PTPRR: variants seen among roughly 807,000 people sequenced by gnomAD.
The protein encoded by PTPRR is receptor-type tyrosine-protein phosphatase R.
A neutral mutation model predicts 77.2 loss-of-function variants in PTPRR; 38 were observed. The ratio of observed to expected loss-of-function variants is 0.49; its 90% CI spans 0.38 to 0.65. The LOEUF (loss-of-function observed/expected upper bound fraction) is 0.65. PTPRR is among the 30% of genes least tolerant of loss of function. PTPRR has a pLI of 0.00. For synonymous variants in PTPRR, 299 were observed against 283.1 expected, an observed-to-expected ratio of 1.06 and a Z score of -0.57; for missense variants, 744 against 799.2, an observed-to-expected ratio of 0.93 and a Z score of 0.83.
At chr12:70,645,038 T>C (rs1886145750) in intron 13 of PTPRR, among the ~76,000 whole-genome samples, 1 of 152,128 alleles carries the variant, frequency 6.6e-6, no homozygotes, top group Non-Finnish European at 1.5e-5. Flanking sequence ...AATCAGAGCA[T>C]ATCAATGTCT....
intron 2 of PTPRR, among the ~76,000 whole-genome samples, chr12:70,842,884 C>G (rs187660791): frequency 6.6e-6 from 1 of 152,298 alleles, no homozygotes; most frequent in Admixed American, 6.5e-5. Context: ...TGCTTGAAAT[C>G]TAGTTCTTCT....
chr12:70,736,908 A>G (rs977446327), intron 6 of PTPRR, among the ~76,000 whole-genome samples: 4 of 152,176 alleles, frequency 2.6e-5, no homozygotes, highest in Non-Finnish European at 5.9e-5. Flanking sequence ...GTGTAAACTT[A>G]GCTCTGCTGC....
At chr12:70,888,805 C>A (rs1014864960) in intron 2 of PTPRR, among the ~76,000 whole-genome samples, 1 of 152,044 alleles carries the variant, frequency 6.6e-6, no homozygotes, top group Non-Finnish European at 1.5e-5. Context: ...CACAGCTCAA[C>A]ACAGACCTAT....
At chr12:70,771,773 T>C (rs983097823) in intron 2 of PTPRR, among the ~76,000 whole-genome samples, 8 of 152,162 alleles carry the variant, frequency 5.3e-5, no homozygotes, top group African/African-American at 1.9e-4. Flanking sequence ...AGAAAGATGC[T>C]GTGTAAGTTC....
At chr12:70,850,747 C>T (rs533530491) in intron 2 of PTPRR, among the ~76,000 whole-genome samples, 9 of 152,260 alleles carry the variant, frequency 5.9e-5, no homozygotes, top group African/African-American at 1.9e-4. Flanking sequence ...CTTTCACTCT[C>T]GCATTTTACT....
chr12:70,782,742 C>T lies in PTPRR; in HGVS notation c.358-17964G>A, dbSNP rs965984652. On this transcript the variant is annotated intron_variant, in intron 2 of 13. Transcript: ENST00000283228. ...TAGGAGACACACCTAATGTAAATGA[C>T]GAGTTAATAGGTGCAGCACACCAAC... Among the ~76,000 whole-genome samples the T allele has an allele frequency of 4.0e-5, 6 of 151,896 alleles. No homozygotes were observed. In the South Asian group the frequency reaches 6.3e-4, roughly 16 times the overall value.
chr12:70,702,721 A>G (rs2063613), intron 6 of PTPRR, among the ~76,000 whole-genome samples: 9,592 of 152,234 alleles, frequency 0.063, 434 homozygotes, highest in African/African-American at 0.12. Flanking sequence ...ATGGTTTGTA[A>G]TTGAGATTTT....
intron 2 of PTPRR, among the ~76,000 whole-genome samples, chr12:70,785,230 C>T (rs1481310023): frequency 6.6e-6 from 1 of 152,030 alleles, no homozygotes; most frequent in Admixed American, 6.6e-5. Context: ...TTACCACTAC[C>T]AATTAAATAT....
chr12:70,825,103 T>C (rs1592778879), intron 2 of PTPRR, among the ~76,000 whole-genome samples: 1 of 151,648 alleles, frequency 6.6e-6, no homozygotes, highest in Non-Finnish European at 1.5e-5. Flanking sequence ...GCCAATATGG[T>C]GAAACCCTGT....
intron 2 of PTPRR, among the ~76,000 whole-genome samples, chr12:70,798,996 G>T (rs1227570090): frequency 6.6e-6 from 1 of 152,030 alleles, no homozygotes; most frequent in Non-Finnish European, 1.5e-5. Flanking sequence ...AAAGTGTAAA[G>T]AAATAGTAAA....
chr12:70,917,421 G>T (rs1893791236), intron 1 of PTPRR, among the ~76,000 whole-genome samples: 1 of 152,068 alleles, frequency 6.6e-6, no homozygotes, highest in Non-Finnish European at 1.5e-5. Context: ...TAATACTCTA[G>T]ATCTTCATTT....
chr12:70,679,417 T>G (rs953581718), intron 10 of PTPRR, among the ~76,000 whole-genome samples: 3 of 152,188 alleles, frequency 2.0e-5, no homozygotes, highest in African/African-American at 7.2e-5. Flanking sequence ...TGGTCTATTG[T>G]GTGGTTTAAA....
At chr12:70,799,330 A>G in intron 2 of PTPRR, among the ~76,000 whole-genome samples, 1 of 152,194 alleles carries the variant, frequency 6.6e-6, no homozygotes, top group Non-Finnish European at 1.5e-5. Flanking sequence ...TTATTTCATA[A>G]TTACTTAAGT....
chr12:70,647,450 T>A (rs1230223660), intron 13 of PTPRR, among the ~76,000 whole-genome samples: 3 of 141,390 alleles, frequency 2.1e-5, no homozygotes, highest in African/African-American at 7.4e-5. Flanking sequence ...AATATAAACA[T>A]CATCTATAGT....
At chr12:70,693,569 G>A (rs1888128007) in intron 8 of PTPRR, among the ~76,000 whole-genome samples, 1 of 151,972 alleles carries the variant, frequency 6.6e-6, no homozygotes, top group African/African-American at 2.4e-5. Context: ...TGCCCAGGCT[G>A]GTCTCAAACT....
chr12:70,884,325 G>T (rs1893199526), intron 2 of PTPRR, among the ~76,000 whole-genome samples: 1 of 152,002 alleles, frequency 6.6e-6, no homozygotes, highest in South Asian at 2.1e-4. Flanking sequence ...CTATTGAATA[G>T]TAACAAGATA....
chr12:70,788,534 T>G (rs954497159), intron 2 of PTPRR, among the ~76,000 whole-genome samples: 1 of 152,220 alleles, frequency 6.6e-6, no homozygotes, highest in Admixed American at 6.5e-5. Flanking sequence ...GTGAACATAT[T>G]TATAATTCTA....
At chr12:70,887,197 C>T (rs1482073971) in intron 2 of PTPRR, among the ~76,000 whole-genome samples, 4 of 151,894 alleles carry the variant, frequency 2.6e-5, no homozygotes, top group African/African-American at 9.7e-5. Flanking sequence ...TGCCTGTAAT[C>T]CCAGCACTTT....
intron 2 of PTPRR, among the ~76,000 whole-genome samples, chr12:70,865,108 C>A (rs569723398): frequency 1.3e-5 from 2 of 152,106 alleles, no homozygotes; most frequent in African/African-American, 4.8e-5. Context: ...CCATTGTGCC[C>A]GACCGAGATC....
Sources: gnomAD v4.1 joint callset for allele counts (sites outside exome capture counted in the v4.1 genomes callset) on GRCh38, gnomAD v4.1.1 for gene constraint, MANE v1.5 for transcripts, NCBI Gene and HGNC (gene_info 2026-07-23, HGNC 2026-07-21) for gene names.